NCOA1: variants seen among roughly 807,000 people sequenced by gnomAD.
NCOA1 encodes Hin-2 protein.
In NCOA1, 35 loss-of-function variants were observed where a neutral mutation model predicts 150.9. The observed-to-expected ratio is 0.23, with a 90% CI of 0.18 to 0.31. The LOEUF (loss-of-function observed/expected upper bound fraction) is 0.31. Ranked by LOEUF, NCOA1 falls within the 10% of genes least tolerant of loss-of-function variation. The probability of loss-of-function intolerance (pLI) is 1.00; values close to 1 mark genes in which losing one functional copy is unlikely to be tolerated. For synonymous variants in NCOA1, 590 were observed against 630.0 expected, an observed-to-expected ratio of 0.94 and a Z score of 0.95; for missense variants, 1,491 against 1,749.3, an observed-to-expected ratio of 0.85 and a Z score of 2.63.
Position 24,643,627 on chromosome 2 carries a change from A to G in NCOA1, c.-174-339A>G, listed in dbSNP as rs530265715. Among the ~76,000 whole-genome samples the G allele has an allele frequency of 7.9e-5, 12 of 152,346 alleles. No homozygotes were observed. In the South Asian group the frequency reaches 2.1e-3, roughly 26 times the overall value. ...ATGTGATAACTGAAAACATGAAAAA[A>G]ATCAGAATTTATAAGTAGGAAGAAG... is the stretch of plus-strand genomic sequence containing the variant. On this transcript the variant is annotated intron_variant, in intron 3 of 22. Transcript: ENST00000348332.
At chr2:24,601,398 A>G (rs947885580) in intron 3 of NCOA1, among the ~76,000 whole-genome samples, 2 of 152,142 alleles carry the variant, frequency 1.3e-5, no homozygotes, top group African/African-American at 4.8e-5. Context: ...AAAAATTTTT[A>G]GAGATGGCAT....
chr2:24,518,732 C>T (rs1196035257), intron 1 of NCOA1, among the ~76,000 whole-genome samples: 2 of 152,072 alleles, frequency 1.3e-5, no homozygotes, highest in Non-Finnish European at 2.9e-5. Flanking sequence ...ATAAAAACAT[C>T]GAGCACTATG....
chr2:24,557,923 A>G (rs1322089547), intron 1 of NCOA1, among the ~76,000 whole-genome samples: 1 of 151,156 alleles, frequency 6.6e-6, no homozygotes, highest in Non-Finnish European at 1.5e-5. Flanking sequence ...ATATCCATGT[A>G]TGTTTGGTGT....
intron 3 of NCOA1, among the ~76,000 whole-genome samples, chr2:24,639,191 G>A (rs1670068343): frequency 1.3e-5 from 2 of 152,036 alleles, no homozygotes; most frequent in South Asian, 4.1e-4. Context: ...ACTTACCTGT[G>A]ATGCCATCTG....
rs778028266 is a variant in NCOA1 at position 24,729,815 on chromosome 2, G to A, written c.3201G>A (p.Gln1067=). The A allele has an allele frequency of 2.5e-6, 4 of 1,609,610 alleles. No homozygotes were observed. Among genetic ancestry groups the A allele is most frequent in the Middle Eastern group, 3.3e-4 (2 of 6,036 alleles). Residue 1067 remains glutamine (Q), a splice_region_variant and synonymous_variant, in exon 17 of 23, where the codon CAG becomes CAA. Transcript: ENST00000348332. ...QLQQRLQGQQ[Q]LIHQNRQAIL... ...AGCAGCGATTACAGGGACAACAGCA[G>A]GTAAGTGCTCTTGTTTAGCAGTTGA...
intron 3 of NCOA1, among the ~76,000 whole-genome samples, chr2:24,636,691 C>T (rs1040866161): frequency 6.6e-5 from 10 of 151,978 alleles, no homozygotes; most frequent in African/African-American, 9.7e-5. Context: ...TTGACTTGAA[C>T]GCAGTATTAT....
chr2:24,691,403 A>G, intron 8 of NCOA1, 78 bp from the exon 9 acceptor site: 1 of 1,372,802 alleles, frequency 7.3e-7, no homozygotes, highest in Non-Finnish European at 1.0e-6. Context: ...CAGATGGCTT[A>G]AAGTACATCT....
intron 3 of NCOA1, among the ~76,000 whole-genome samples, chr2:24,605,788 G>C (rs1668336239): frequency 6.6e-6 from 1 of 152,176 alleles, no homozygotes; most frequent in Non-Finnish European, 1.5e-5. Context: ...TAGAATGTGA[G>C]TAGAAGTAAT....
chr2:24,572,989 G>T (rs182155791), intron 2 of NCOA1, among the ~76,000 whole-genome samples: 8 of 152,264 alleles, frequency 5.3e-5, no homozygotes, highest in Admixed American at 6.5e-5. Flanking sequence ...GAAATGAAAT[G>T]CTTTCCAATG....
chr2:24,714,013 A>G (rs891497430), intron 14 of NCOA1, among the ~76,000 whole-genome samples: 2 of 152,248 alleles, frequency 1.3e-5, no homozygotes, highest in African/African-American at 4.8e-5. Flanking sequence ...AAGAACAACT[A>G]TCAGGAAGGA....
intron 4 of NCOA1, among the ~76,000 whole-genome samples, chr2:24,645,355 T>C (rs1670419468): frequency 1.4e-5 from 2 of 148,136 alleles, no homozygotes; most frequent in South Asian, 4.3e-4. Flanking sequence ...AAAAAAAAAT[T>C]AGCCAGGCGT....
intron 3 of NCOA1, among the ~76,000 whole-genome samples, chr2:24,621,857 G>A (rs562733645): frequency 6.6e-6 from 1 of 152,122 alleles, no homozygotes; most frequent in Non-Finnish European, 1.5e-5. Context: ...CTGTCTTTCT[G>A]TATCCTAGGA....
At chr2:24,631,618 A>G (rs1669714046) in intron 3 of NCOA1, among the ~76,000 whole-genome samples, 1 of 152,170 alleles carries the variant, frequency 6.6e-6, no homozygotes, top group African/African-American at 2.4e-5. Context: ...ACAGTGATAA[A>G]AAAGAGAGGG....
intron 2 of NCOA1, among the ~76,000 whole-genome samples, chr2:24,574,991 AT>A (rs1666894952): frequency 6.6e-6 from 1 of 151,578 alleles, no homozygotes; most frequent in African/African-American, 2.4e-5. Context: ...TCCTGCTTGG[AT>A]TTTGTTGAGC....
chr2:24,602,841 A>G (rs1400192598), intron 3 of NCOA1, among the ~76,000 whole-genome samples: 2 of 152,254 alleles, frequency 1.3e-5, no homozygotes, highest in East Asian at 3.9e-4. Context: ...TACTGTGGAA[A>G]CTCCCTGTGT....
intron 3 of NCOA1, among the ~76,000 whole-genome samples, chr2:24,639,846 C>T (rs1670098860): frequency 6.9e-6 from 1 of 144,638 alleles, no homozygotes; most frequent in Non-Finnish European, 1.5e-5. Context: ...AGAGATCGTG[C>T]TATTGCACTC....
intron 14 of NCOA1, among the ~76,000 whole-genome samples, chr2:24,722,179 T>C (rs1674387103): frequency 6.6e-6 from 1 of 152,116 alleles, no homozygotes; most frequent in Admixed American, 6.5e-5. Context: ...TAAATCTCAA[T>C]CCACCTGGTT....
At chr2:24,574,783 G>C (rs1034822637) in intron 2 of NCOA1, among the ~76,000 whole-genome samples, 6 of 152,020 alleles carry the variant, frequency 3.9e-5, no homozygotes, top group Admixed American at 3.3e-4. Flanking sequence ...AGGTTGACAG[G>C]TTCCCCCCCT....
At chr2:24,763,367 G>A (rs1312292567) in intron 22 of NCOA1, among the ~76,000 whole-genome samples, 3 of 151,598 alleles carry the variant, frequency 2.0e-5, no homozygotes, top group Non-Finnish European at 2.9e-5. Flanking sequence ...GTGAAACCCT[G>A]TCTCTACTAA....
Sources: allele counts gnomAD v4.1 joint callset (sites outside exome capture counted in the v4.1 genomes callset), GRCh38; gene constraint gnomAD v4.1.1; transcripts MANE v1.5; gene names NCBI Gene and HGNC (gene_info 2026-07-23, HGNC 2026-07-21).